The following ARHGAP28 variants were observed in gnomAD, a reference collection of about 807,000 sequenced individuals.
The protein encoded by ARHGAP28 is rho GTPase-activating protein 28.
ARHGAP28 carries 56 observed loss-of-function variants against 90.7 expected under a neutral mutation model. The observed-to-expected ratio is 0.62, with a 90% CI of 0.50 to 0.77. The LOEUF (loss-of-function observed/expected upper bound fraction) is 0.77, where lower values mean the gene tolerates loss of function less well. ARHGAP28 is among the 30% of genes least tolerant of loss of function. The pLI is 0.00. For synonymous variants in ARHGAP28, 308 were observed against 323.3 expected (o/e 0.95, Z 0.51); for missense variants, 869 against 900.9 (o/e 0.96, Z 0.45).
At chr18:6,773,490 G>A (rs545075172) in intron 1 of ARHGAP28, among the ~76,000 whole-genome samples, 1 of 152,292 alleles carries the variant, frequency 6.6e-6, no homozygotes, top group South Asian at 2.1e-4. Flanking sequence ...GCTTTGCAAA[G>A]TGCGTATTAT....
intron 7 of ARHGAP28, 99 bp downstream of exon 7, chr18:6,870,831 G>T (rs558366493): frequency 4.6e-6 from 6 of 1,291,632 alleles, no homozygotes; most frequent in Non-Finnish European, 6.3e-6. Context: ...ACGGAGTCTC[G>T]CTCTATTGCC....
chr18:6,758,337 T>C (rs1444862118), intron 1 of ARHGAP28, among the ~76,000 whole-genome samples: 1 of 152,072 alleles, frequency 6.6e-6, no homozygotes, highest in African/African-American at 2.4e-5. Context: ...TGGTGCTTGC[T>C]TGTCTTTTTT....
chr18:6,765,237 T>G (rs1001338318), intron 1 of ARHGAP28, among the ~76,000 whole-genome samples: 3 of 152,198 alleles, frequency 2.0e-5, no homozygotes, highest in Non-Finnish European at 4.4e-5. Context: ...TTCCTTAATG[T>G]TTGATAGCAT....
chr18:6,909,078 A>G lies in ARHGAP28; in HGVS notation c.2095+54A>G, dbSNP rs992709106. 8.0e-6 allele frequency: 8 copies of G among 999,510 alleles called. No individual in the cohort carries two copies. The African/African-American group carries it at 1.1e-4, about 14-fold the overall frequency. 61.9% of individuals were successfully genotyped at this position (999,510 alleles called of 1,614,324 possible). On this transcript the variant is annotated intron_variant, in intron 17 of 17. Coordinates refer to ENST00000383472, the MANE Select transcript of ARHGAP28 (RefSeq NM_001366230.1). ...TAAATTCTCTGATTACTCTAAAAGA[A>G]ATATGTTGCTATAATCATAAAGGTA...
chr18:6,776,127 A>AG (rs1462490966), intron 1 of ARHGAP28, among the ~76,000 whole-genome samples: 1 of 152,156 alleles, frequency 6.6e-6, no homozygotes, highest in Non-Finnish European at 1.5e-5. Flanking sequence ...TTAGGAAAAA[A>AG]ATAACAATAT....
intron 2 of ARHGAP28, chr18:6,836,024 C>T (rs1371379311): frequency 6.6e-6 from 1 of 152,162 alleles, no homozygotes; most frequent in African/African-American, 2.4e-5. Context: ...TTGCCTTTCA[C>T]AGGATACCTC....
chr18:6,739,731 A>G (rs913458375), intron 1 of ARHGAP28, among the ~76,000 whole-genome samples: 2 of 150,674 alleles, frequency 1.3e-5, no homozygotes, highest in African/African-American at 4.9e-5. Context: ...GTTCTTAGTA[A>G]CTAGATCTTA....
chr18:6,899,821 G>A (rs140880510), intron 16 of ARHGAP28, among the ~76,000 whole-genome samples: 5 of 152,136 alleles, frequency 3.3e-5, no homozygotes, highest in Admixed American at 6.5e-5. Flanking sequence ...AACAAGGCAG[G>A]CCAAAGCAGA....
chr18:6,804,019 T>C (rs561864855), intron 1 of ARHGAP28, among the ~76,000 whole-genome samples: 4 of 152,186 alleles, frequency 2.6e-5, no homozygotes, highest in Non-Finnish European at 4.4e-5. Flanking sequence ...GACCTTGTGA[T>C]CCACCTGCCT....
rs918046334 is a variant in ARHGAP28, at chr18:6,913,625, C to T, written c.*1471C>T. The T allele has an allele frequency of 2.2e-4, 11 of 50,762 alleles. 1 individual carries two copies. The highest frequency in any genetic ancestry group is 4.6e-4 in the Admixed American group (3 of 6,526). The allele number at this position is 50,762 out of a possible 1,614,324, so 3.1% of individuals were successfully genotyped here. ...ATTTGTAGAAGAAATCTTGTATATA[C>T]TATTATTACACCTTGATATCTATAC... On this transcript the variant is annotated 3_prime_UTR_variant, in exon 18 of 18. Coordinates refer to ENST00000383472, the MANE Select transcript of ARHGAP28 (RefSeq NM_001366230.1).
At chr18:6,824,661 G>T (rs956046573) in intron 1 of ARHGAP28, 101 bp from the exon 2 acceptor site, 4 of 1,075,282 alleles carry the variant, frequency 3.7e-6, no homozygotes, top group Non-Finnish European at 2.6e-6. Context: ...TTCTCCATTT[G>T]ATTTAAACTT....
chr18:6,911,148 T>C (rs1873061795), intron 17 of ARHGAP28, among the ~76,000 whole-genome samples: 2 of 152,158 alleles, frequency 1.3e-5, no homozygotes, highest in Admixed American at 6.5e-5. Flanking sequence ...CTTGGTAGTT[T>C]TGTTTGAGAC....
chr18:6,815,484 A>G (rs916698134), intron 1 of ARHGAP28, among the ~76,000 whole-genome samples: 1 of 152,228 alleles, frequency 6.6e-6, no homozygotes, highest in African/African-American at 2.4e-5. Flanking sequence ...TTCATATAAC[A>G]TAAAATCTAC....
At chr18:6,748,740 G>C (rs2056045168) in intron 1 of ARHGAP28, among the ~76,000 whole-genome samples, 1 of 152,220 alleles carries the variant, frequency 6.6e-6, no homozygotes, top group South Asian at 2.1e-4. Flanking sequence ...AAGTCTTTCA[G>C]TATTTCCCAC....
chr18:6,734,525 G>A (rs972749500), intron 1 of ARHGAP28, among the ~76,000 whole-genome samples: 8 of 151,994 alleles, frequency 5.3e-5, no homozygotes, highest in Admixed American at 3.9e-4. Context: ...TCTGTGAGGG[G>A]GCTATTGTTT....
At chr18:6,862,792 TAATA>T (rs1356666686) in intron 5 of ARHGAP28, among the ~76,000 whole-genome samples, 1 of 152,220 alleles carries the variant, frequency 6.6e-6, no homozygotes, top group Non-Finnish European at 1.5e-5. Flanking sequence ...CATTGAGGAA[TAATA>T]ATTGTGTCTT....
At chr18:6,849,612 G>A (rs1017918613) in intron 3 of ARHGAP28, among the ~76,000 whole-genome samples, 3 of 152,160 alleles carry the variant, frequency 2.0e-5, no homozygotes, top group African/African-American at 7.2e-5. Context: ...AAATTGGTGA[G>A]TATCAAGATG....
At position 6,912,168 on chromosome 18, in the gene ARHGAP28, G is replaced by C; in HGVS notation, c.*14G>C. ...CAAAGTTCTTAAAATATCCTCGAGA[G>C]AGCTGCTATCATGTATTATATGCCA... On this transcript the variant is annotated 3_prime_UTR_variant, in exon 18 of 18. Coordinates refer to ENST00000383472, the MANE Select transcript of ARHGAP28 (RefSeq NM_001366230.1). 1 of 1,490,784 alleles carries C rather than the reference G, an allele frequency of 6.7e-7. No homozygotes were observed. The highest frequency in any genetic ancestry group is 1.7e-4 in the Middle Eastern group (1 of 5,822). 92.3% of individuals were successfully genotyped at this position (1,490,784 alleles called of 1,614,324 possible).
At chr18:6,734,641 A>C (rs2055910512) in intron 1 of ARHGAP28, among the ~76,000 whole-genome samples, 1 of 152,196 alleles carries the variant, frequency 6.6e-6, no homozygotes, top group South Asian at 2.1e-4. Flanking sequence ...TTTTAGTGAT[A>C]GATTTATTGG....
Sources: gnomAD v4.1 joint callset for allele counts (sites outside exome capture counted in the v4.1 genomes callset) on GRCh38, gnomAD v4.1.1 for gene constraint, MANE v1.5 for transcripts, NCBI Gene and HGNC (gene_info 2026-07-23, HGNC 2026-07-21) for gene names.